Variants in MICU2 observed in about 807,000 individuals in gnomAD.
The protein encoded by MICU2 is calcium uptake protein 2, mitochondrial.
A neutral mutation model predicts 60.4 loss-of-function variants in MICU2; 64 were observed. The ratio of observed to expected loss-of-function variants is 1.06; its 90% CI spans 0.87 to 1.31. The LOEUF is 1.31. MICU2 is among the 50% of genes most tolerant of loss of function. The pLI, the probability that MICU2 is intolerant of heterozygous loss-of-function variation, is 0.00. For synonymous variants in MICU2, 201 were observed against 175.0 expected (o/e 1.15, Z -1.17); for missense variants, 569 against 531.0 (o/e 1.07, Z -0.70).
intron 2 of MICU2, among the ~76,000 whole-genome samples, chr13:21,555,743 C>A (rs999315938): frequency 9.4e-6 from 1 of 106,470 alleles, no homozygotes; most frequent in African/African-American, 2.7e-5. Flanking sequence ...TCAATACCTT[C>A]CCCCCCTCTT....
At chr13:21,579,769 T>C (rs1434998751) in intron 1 of MICU2, among the ~76,000 whole-genome samples, 1 of 152,064 alleles carries the variant, frequency 6.6e-6, no homozygotes, top group Non-Finnish European at 1.5e-5. Flanking sequence ...AAGATACCCA[T>C]GGTCTCAAAA....
At chr13:21,526,898 G>A (rs540158777) in intron 4 of MICU2, among the ~76,000 whole-genome samples, 49 of 152,236 alleles carry the variant, frequency 3.2e-4, no homozygotes, top group African/African-American at 1.1e-3. Flanking sequence ...ACCCTTCTGT[G>A]CAGGACAACA....
intron 1 of MICU2, among the ~76,000 whole-genome samples, chr13:21,577,804 CAAAAAAAA>C (rs56200015): frequency 4.2e-5 from 2 of 47,908 alleles, no homozygotes; most frequent in Admixed American, 2.6e-4. Flanking sequence ...GACTCGGTCT[CAAAAAAAA>C]AAAAAAAAAA....
At chr13:21,554,422 C>T (rs1023884217) in intron 2 of MICU2, among the ~76,000 whole-genome samples, 4 of 152,180 alleles carry the variant, frequency 2.6e-5, no homozygotes, top group African/African-American at 9.7e-5. Flanking sequence ...CAACCTGCTC[C>T]TGAATGACTA....
At chr13:21,582,291 T>C (rs1019115254) in intron 1 of MICU2, among the ~76,000 whole-genome samples, 4 of 152,170 alleles carry the variant, frequency 2.6e-5, no homozygotes, top group East Asian at 3.8e-4. Context: ...CTACTGAAGA[T>C]ACAATAGCCA....
At chr13:21,549,643 G>C (rs1048370158) in intron 2 of MICU2, among the ~76,000 whole-genome samples, 7 of 152,034 alleles carry the variant, frequency 4.6e-5, no homozygotes, top group African/African-American at 1.7e-4. Context: ...CATGTTGTAA[G>C]TTTAAATAAG....
In MICU2 at chr13:21,531,070, T is replaced by G. The variant is rs559109628; in HGVS notation, c.466+8232A>C. On this transcript the variant is annotated intron_variant, in intron 4 of 11. Transcript: ENST00000382374. ...CGTGGTCTTTCCAAATATCCTAATCTGTTAAGTCAATTACTTGATTTACAA... is the reference window on the plus strand; with the variant it reads ...CGTGGTCTTTCCAAATATCCTAATCGGTTAAGTCAATTACTTGATTTACAA... 15 of 1,007,142 alleles carry G rather than the reference T, an allele frequency of 1.5e-5. No individual in the cohort carries two copies. In the East Asian group the frequency reaches 3.6e-4, roughly 24 times the overall value. The allele number at this position is 1,007,142 out of a possible 1,614,324, so 62.4% of individuals were successfully genotyped here.
intron 9 of MICU2, among the ~76,000 whole-genome samples, chr13:21,499,639 TGA>T (rs1410776667): frequency 2.6e-5 from 4 of 151,404 alleles, no homozygotes; most frequent in Non-Finnish European, 5.9e-5. Context: ...CTCAATCTTC[TGA>T]CCTCATGATC....
intron 1 of MICU2, among the ~76,000 whole-genome samples, chr13:21,583,387 G>T (rs924643851): frequency 6.6e-6 from 1 of 152,158 alleles, no homozygotes; most frequent in Non-Finnish European, 1.5e-5. Flanking sequence ...ACTACTGATT[G>T]CCTTTGTATT....
At chr13:21,500,820 CATT>C (rs1231209621) in intron 9 of MICU2, among the ~76,000 whole-genome samples, 4 of 152,124 alleles carry the variant, frequency 2.6e-5, no homozygotes, top group Non-Finnish European at 4.4e-5. Flanking sequence ...TTTTGACTCT[CATT>C]ATAATTTTTG....
intron 1 of MICU2, among the ~76,000 whole-genome samples, chr13:21,576,055 A>C (rs996307083): frequency 6.6e-6 from 1 of 152,252 alleles, no homozygotes; most frequent in African/African-American, 2.4e-5. Flanking sequence ...TTAGAGCAGA[A>C]GTATGAAAGG....
intron 1 of MICU2, among the ~76,000 whole-genome samples, chr13:21,597,127 T>C (rs1888711610): frequency 6.6e-6 from 1 of 152,198 alleles, no homozygotes; most frequent in Non-Finnish European, 1.5e-5. Context: ...TGCTATCTTA[T>C]ATGTAGTCAC....
At chr13:21,599,166 G>C (rs553464926) in intron 1 of MICU2, among the ~76,000 whole-genome samples, 1 of 152,130 alleles carries the variant, frequency 6.6e-6, no homozygotes, top group Non-Finnish European at 1.5e-5. Flanking sequence ...CTAGTCCCTG[G>C]TGCCAAAAAG....
chr13:21,546,931 A>C (rs899110431), intron 2 of MICU2, among the ~76,000 whole-genome samples: 3 of 152,210 alleles, frequency 2.0e-5, no homozygotes, highest in African/African-American at 7.2e-5. Flanking sequence ...TCCTGTACAT[A>C]AACAAAGACA....
chr13:21,506,894 AAGTAT>A (rs760513020), intron 8 of MICU2, among the ~76,000 whole-genome samples: 3 of 152,204 alleles, frequency 2.0e-5, no homozygotes, highest in African/African-American at 4.8e-5. Context: ...AGAAACACAA[AAGTAT>A]AAGCTCAAAA....
Position 21,549,215 on chromosome 13 carries a change from T to C in MICU2, c.359-9527A>G, listed in dbSNP as rs139547787. 1.7e-3 allele frequency among the ~76,000 whole-genome samples: 255 copies of C among 152,154 alleles called. 2 individuals are homozygous for C. The highest frequency in any genetic ancestry group is 5.3e-3 in the African/African-American group (220 of 41,530). ...ACGTGCTGGGATTACAGGCGTGAGC[T>C]AGCGTGCCCAGCTGACAAGCTTGAG... is the stretch of plus-strand genomic sequence containing the variant. On this transcript the variant is annotated intron_variant, in intron 2 of 11. Transcript: ENST00000382374.
chr13:21,506,706 G>A (rs756563435), intron 8 of MICU2, among the ~76,000 whole-genome samples: 1 of 152,078 alleles, frequency 6.6e-6, no homozygotes, highest in Non-Finnish European at 1.5e-5. Flanking sequence ...TCTTCTTCCT[G>A]TCACAATGGA....
intron 7 of MICU2, among the ~76,000 whole-genome samples, chr13:21,513,739 C>CAAA (rs376128312): frequency 0.026 from 1,547 of 58,772 alleles, 348 homozygotes; most frequent in African/African-American, 0.096. Flanking sequence ...GACTCTGTCT[C>CAAA]AAAAAAAAAA....
intron 8 of MICU2, among the ~76,000 whole-genome samples, chr13:21,504,402 C>A (rs1472121250): frequency 1.3e-5 from 2 of 152,062 alleles, no homozygotes; most frequent in African/African-American, 4.8e-5. Context: ...TCTATGCGAG[C>A]CTCTACCAGA....
Sources: allele counts gnomAD v4.1 joint callset (sites outside exome capture counted in the v4.1 genomes callset), GRCh38; gene constraint gnomAD v4.1.1; transcripts MANE v1.5; gene names NCBI Gene and HGNC (gene_info 2026-07-23, HGNC 2026-07-21).